Variants in SCLT1 observed in about 807,000 individuals in gnomAD.
SCLT1 encodes sodium channel-associated protein 1.
SCLT1 carries 78 observed loss-of-function variants against 112.8 expected under a neutral mutation model. The ratio of observed to expected loss-of-function variants is 0.69; its 90% CI spans 0.58 to 0.83. SCLT1 has a LOEUF of 0.83. Ranked by LOEUF, SCLT1 falls within the 40% of genes least tolerant of loss-of-function variation. The probability of loss-of-function intolerance (pLI) is 0.00; values close to 1 mark genes in which losing one functional copy is unlikely to be tolerated. For missense variants in SCLT1, 747 were observed against 770.4 expected (o/e 0.97, Z 0.36); for synonymous variants, 257 against 254.7 (o/e 1.01, Z -0.09).
intron 11 of SCLT1, among the ~76,000 whole-genome samples, chr4:128,960,474 C>T (rs1468255674): frequency 2.0e-5 from 3 of 152,154 alleles, no homozygotes; most frequent in Non-Finnish European, 2.9e-5. Context: ...AATGTAACCT[C>T]ATTTCACTGT....
At chr4:128,990,490 T>C (rs1473507012) in intron 9 of SCLT1, among the ~76,000 whole-genome samples, 1 of 151,878 alleles carries the variant, frequency 6.6e-6, no homozygotes, top group Non-Finnish European at 1.5e-5. Context: ...AATATCATAC[T>C]GAATGGGGAA....
chr4:128,937,178 C>A (rs921583148), intron 17 of SCLT1, among the ~76,000 whole-genome samples: 1 of 151,014 alleles, frequency 6.6e-6, no homozygotes, highest in African/African-American at 2.4e-5. Context: ...CTCAGGAGGC[C>A]GAGGCAGGTG....
chr4:129,012,171 T>C (rs943068937), intron 5 of SCLT1, among the ~76,000 whole-genome samples: 9 of 152,300 alleles, frequency 5.9e-5, no homozygotes, highest in South Asian at 2.1e-4. Flanking sequence ...GAGCACTTAG[T>C]GCTATAAATT....
At chr4:129,006,649 C>T (rs2044523) in intron 5 of SCLT1, among the ~76,000 whole-genome samples, 41,766 of 151,718 alleles carry the variant, frequency 0.28, 6,044 homozygotes, top group South Asian at 0.36. Context: ...TTTAATCTTA[C>T]ACTTCATACA....
chr4:128,918,628 G>T (rs999121097), intron 18 of SCLT1, among the ~76,000 whole-genome samples: 1 of 151,968 alleles, frequency 6.6e-6, no homozygotes, highest in East Asian at 1.9e-4. Context: ...CAAATTAAAC[G>T]GCATAGAGTG....
intron 18 of SCLT1, among the ~76,000 whole-genome samples, chr4:128,912,217 T>C (rs964144560): frequency 1.3e-5 from 2 of 152,166 alleles, no homozygotes; most frequent in African/African-American, 2.4e-5. Context: ...AAAGACCTAA[T>C]TGGTTCAAGA....
chr4:128,970,574 T>C, intron 9 of SCLT1, 106 bp from the exon 10 acceptor site: 1 of 662,694 alleles, frequency 1.5e-6, no homozygotes, highest in South Asian at 1.8e-5. Context: ...CTCTTGTTTA[T>C]CTAAAATGGA....
At chr4:128,873,256 G>GAAAAAAAAAAAAAAAAAAA (rs1296724284) in intron 5 of SCLT1, 10 of 28,310 alleles carry the variant, frequency 3.5e-4, no homozygotes, top group Admixed American at 4.2e-4. Flanking sequence ...TAAGAAAAAG[G>GAAAAAAAAAAAAAAAAAAA]AAAAAAAAAA....
intron 17 of SCLT1, among the ~76,000 whole-genome samples, chr4:128,940,961 T>A (rs1436804327): frequency 6.6e-6 from 1 of 152,186 alleles, no homozygotes; most frequent in Non-Finnish European, 1.5e-5. Flanking sequence ...TTAGAGATAC[T>A]TAGCAATTAA....
intron 19 of SCLT1, among the ~76,000 whole-genome samples, chr4:128,890,850 C>T (rs762447061): frequency 6.6e-6 from 1 of 152,142 alleles, no homozygotes; most frequent in Non-Finnish European, 1.5e-5. Flanking sequence ...GAAATAAGAG[C>T]TCTACCTTTT....
In SCLT1 at chr4:128,970,099, C is replaced by T. The variant is rs902562318; in HGVS notation, c.777+279G>A. On this transcript the variant is annotated intron_variant, in intron 10 of 20. Coordinates refer to ENST00000281142, the MANE Select transcript of SCLT1 (RefSeq NM_144643.4). Reference sequence around the variant, plus strand: ...TTTCCACCTGCAAATAACCAGTTAACTGAAACTTGATCTTGTATCAATTTG... The same window carrying T: ...TTTCCACCTGCAAATAACCAGTTAATTGAAACTTGATCTTGTATCAATTTG... 2.6e-5 allele frequency among the ~76,000 whole-genome samples: 4 copies of T among 152,256 alleles called. No homozygotes were observed. In the South Asian group the frequency reaches 8.3e-4, roughly 32 times the overall value.
intron 2 of SCLT1, among the ~76,000 whole-genome samples, chr4:129,054,131 T>C (rs1220657920): frequency 6.6e-6 from 1 of 152,238 alleles, no homozygotes; most frequent in African/African-American, 2.4e-5. Context: ...GTTAGTCTAA[T>C]GGGCTTCCCT....
intron 5 of SCLT1, among the ~76,000 whole-genome samples, chr4:129,016,591 A>T (rs781159045): frequency 3.9e-5 from 6 of 152,242 alleles, no homozygotes; most frequent in Non-Finnish European, 8.8e-5. Flanking sequence ...TTAAAAGTAC[A>T]GTGGCATTTT....
At chr4:129,050,249 C>T (rs1007951608) in intron 2 of SCLT1, among the ~76,000 whole-genome samples, 2 of 152,164 alleles carry the variant, frequency 1.3e-5, no homozygotes, top group African/African-American at 4.8e-5. Flanking sequence ...TAGGTATATA[C>T]ACAGTAATTG....
At chr4:128,965,402 G>A in intron 10 of SCLT1, 84 bp from the exon 11 acceptor site, 1 of 829,816 alleles carries the variant, frequency 1.2e-6, no homozygotes. Context: ...AACAGCTCAT[G>A]CTATAAAGTT....
chr4:128,883,535 C>T (rs1732696364), downstream of SCLT1, among the ~76,000 whole-genome samples: 1 of 152,088 alleles, frequency 6.6e-6, no homozygotes, highest in Admixed American at 6.6e-5. Flanking sequence ...TGCACATTTA[C>T]CCTAGAACTT....
In SCLT1 at chr4:128,962,805, G is replaced by A. The variant is rs191988155; in HGVS notation, c.869+2422C>T. Among the ~76,000 whole-genome samples the A allele has an allele frequency of 5.8e-3, 874 of 151,300 alleles. 7 individuals carry two copies. Among genetic ancestry groups the A allele is most frequent in the Middle Eastern group, 0.034 (10 of 292 alleles). ...AATAAAATAATCTTCTGAATTATCT[G>A]GTACATTTGGTCTTTCACAGTACTA... On this transcript the variant is annotated intron_variant, in intron 11 of 20. Transcript: ENST00000281142.
intron 19 of SCLT1, among the ~76,000 whole-genome samples, chr4:128,889,249 T>C (rs969312987): frequency 3.9e-5 from 6 of 152,236 alleles, no homozygotes; most frequent in Non-Finnish European, 8.8e-5. Flanking sequence ...TATCTGGGAA[T>C]GTGACCTTAT....
chr4:129,009,374 C>A lies in SCLT1; in HGVS notation c.291-5498G>T, dbSNP rs925825336. 1.3e-4 allele frequency among the ~76,000 whole-genome samples: 20 copies of A among 152,016 alleles called. 1 individual carries two copies. The highest frequency in any genetic ancestry group is 1.3e-3 in the Admixed American group (20 of 15,266). On this transcript the variant is annotated intron_variant, in intron 5 of 20. Coordinates refer to ENST00000281142, the MANE Select transcript of SCLT1 (RefSeq NM_144643.4). ...AATAAATAAAAAAAAATTAGCCAGGCATGGTGGTGGGCACCTGTAGTCCCA... is the reference window on the plus strand; with the variant it reads ...AATAAATAAAAAAAAATTAGCCAGGAATGGTGGTGGGCACCTGTAGTCCCA...
Sources: allele counts gnomAD v4.1 joint callset (sites outside exome capture counted in the v4.1 genomes callset), GRCh38; gene constraint gnomAD v4.1.1; transcripts MANE v1.5; gene names NCBI Gene and HGNC (gene_info 2026-07-23, HGNC 2026-07-21).